The following PEX13 variants were observed in gnomAD, a reference collection of about 807,000 sequenced individuals.
PEX13 encodes peroxisome biogenesis factor 13.
Under a neutral mutation model 34.5 loss-of-function variants are expected in PEX13, and 28 were observed. The ratio of observed to expected loss-of-function variants is 0.81; its 90% CI spans 0.60 to 1.11. The LOEUF (loss-of-function observed/expected upper bound fraction) is 1.11. PEX13 is among the 50% of genes most tolerant of loss of function. The probability of loss-of-function intolerance (pLI) is 0.00; values close to 1 mark genes in which losing one functional copy is unlikely to be tolerated. For missense variants in PEX13, 550 were observed against 491.0 expected (o/e 1.12, Z -1.13); for synonymous variants, 177 against 175.1 (o/e 1.01, Z -0.09).
chr2:61,033,747 A>C (rs1206704648), intron 2 of PEX13, among the ~76,000 whole-genome samples: 1 of 152,102 alleles, frequency 6.6e-6, no homozygotes, highest in Non-Finnish European at 1.5e-5. Context: ...TCTTTGAAGG[A>C]AGAGTGTTTT....
rs777890321 is a variant in PEX13 at position 61,045,786 on chromosome 2, T to C, written c.848T>C (p.Phe283Ser). The change falls in exon 3 of 4, where the codon TTT becomes TCT. Residue 283 changes from phenylalanine to serine, a missense_variant. Physicochemically the swap from Phe to Ser is radical, Grantham distance 155 (BLOSUM62 -2). Coordinates refer to ENST00000295030, the MANE Select transcript of PEX13 (RefSeq NM_002618.4). ...DHVVARAEYDFAAVSEEEISF... is the reference protein window; with the variant it reads ...DHVVARAEYDSAAVSEEEISF... ...GTAGTTGCCAGAGCAGAATATGATT[T>C]TGCTGCCGTATCTGAAGAAGAAATT... 1.7e-5 allele frequency: 28 copies of C among 1,611,016 alleles called. No homozygotes were observed. Among genetic ancestry groups the C allele is most frequent in the Non-Finnish European group, 2.4e-5 (28 of 1,177,292 alleles).
chr2:61,047,242 G>A (rs1461367095), intron 3 of PEX13, among the ~76,000 whole-genome samples: 3 of 151,752 alleles, frequency 2.0e-5, no homozygotes, highest in Admixed American at 6.6e-5. Context: ...TGCAACCTCC[G>A]CCTCCCGGGT....
rs545968718 is a variant in PEX13, at chr2:61,019,618, A to G, written c.92+1767A>G. On this transcript the variant is annotated intron_variant, in intron 1 of 3. Transcript: ENST00000295030. ...AATTTTTTTTTCCATATAGGTAACT[A>G]ATTGTCGCAGCACCATTTATTGAGT... Among the ~76,000 whole-genome samples the G allele has an allele frequency of 1.9e-4, 29 of 152,240 alleles. No homozygotes were observed. The East Asian group carries it at 3.9e-3, about 20-fold the overall frequency.
At chr2:61,018,737 C>G (rs918171089) in intron 1 of PEX13, 1 of 152,930 alleles carries the variant, frequency 6.5e-6, no homozygotes, top group Admixed American at 6.5e-5. Context: ...AACACAGTAA[C>G]GACTTAGTTT....
At chr2:61,047,181 A>G (rs1222635781) in intron 3 of PEX13, among the ~76,000 whole-genome samples, 1 of 151,590 alleles carries the variant, frequency 6.6e-6, no homozygotes, top group African/African-American at 2.4e-5. Context: ...TTTGAGACAG[A>G]GTCTAGCTCT....
intron 1 of PEX13, among the ~76,000 whole-genome samples, chr2:61,027,107 G>A (rs1219955865): frequency 6.6e-6 from 1 of 151,060 alleles, no homozygotes; most frequent in Non-Finnish European, 1.5e-5. Context: ...AGGATTGCTT[G>A]AGCCCAGGAG....
chr2:61,026,293 G>C lies in PEX13; in HGVS notation c.93-5126G>C, dbSNP rs556670584. On this transcript the variant is annotated intron_variant, in intron 1 of 3. Transcript: ENST00000295030. ...GTGTACAGCAGCTAATTTTCTTCTT[G>C]ACCGGTAGTTGAAAAACGGTTCCAG... is the stretch of plus-strand genomic sequence containing the variant. Among the ~76,000 whole-genome samples, 32 of 150,594 alleles carry C rather than the reference G, an allele frequency of 2.1e-4. No individual in the cohort carries two copies. In the South Asian group the frequency reaches 6.5e-3, roughly 31 times the overall value.
chr2:61,032,854 C>T (rs1313003920), intron 2 of PEX13, among the ~76,000 whole-genome samples: 2 of 152,092 alleles, frequency 1.3e-5, no homozygotes, highest in African/African-American at 4.8e-5. Context: ...AGCTGATAGA[C>T]CAGCTTGAAC....
chr2:61,022,382 C>T (rs149573830), intron 1 of PEX13, among the ~76,000 whole-genome samples: 3,160 of 152,198 alleles, frequency 0.021, 106 homozygotes, highest in African/African-American at 0.071. Context: ...TCGTGATGCA[C>T]GCACAAGCTT....
intron 1 of PEX13, among the ~76,000 whole-genome samples, chr2:61,022,227 TCTC>T (rs1559028197): frequency 6.6e-6 from 1 of 151,926 alleles, no homozygotes; most frequent in Non-Finnish European, 1.5e-5. Flanking sequence ...ATAACAAACT[TCTC>T]CGAGCTAAAG....
rs147340796 is a variant in PEX13, at chr2:61,034,631, G to A, written c.787+2518G>A. ...ATACAGCGCTTTTCCTATGGTCCTC[G>A]CAACTGGCAGACCAGGAGATTCCCT... On this transcript the variant is annotated intron_variant, in intron 2 of 3. Coordinates refer to ENST00000295030, the MANE Select transcript of PEX13 (RefSeq NM_002618.4). 6.6e-5 allele frequency among the ~76,000 whole-genome samples: 10 copies of A among 152,310 alleles called. No homozygotes were observed. In the South Asian group the frequency reaches 1.5e-3, roughly 22 times the overall value.
chr2:61,038,087 AG>A (rs1680565186), intron 2 of PEX13, among the ~76,000 whole-genome samples: 2 of 152,354 alleles, frequency 1.3e-5, no homozygotes, highest in South Asian at 4.1e-4. Context: ...GACCAATAAC[AG>A]GTTCTGAAAT....
At chr2:61,033,539 T>C (rs193107487) in intron 2 of PEX13, among the ~76,000 whole-genome samples, 193 of 152,318 alleles carry the variant, frequency 1.3e-3, no homozygotes, top group Non-Finnish European at 6.3e-4. Context: ...TCTCTGCCTT[T>C]GTGGCAGTCT....
chr2:61,043,259 G>C (rs1400279893), intron 2 of PEX13, among the ~76,000 whole-genome samples: 1 of 151,156 alleles, frequency 6.6e-6, no homozygotes, highest in Non-Finnish European at 1.5e-5. Context: ...CACTTTGGTA[G>C]GCCGAGGCGG....
chr2:61,027,221 C>T (rs377310947), intron 1 of PEX13, among the ~76,000 whole-genome samples: 29 of 151,080 alleles, frequency 1.9e-4, no homozygotes, highest in African/African-American at 6.6e-4. Context: ...GCCTGTAGTC[C>T]CAGCTACTTG....
intron 1 of PEX13, among the ~76,000 whole-genome samples, chr2:61,026,609 G>C (rs1291768658): frequency 6.6e-6 from 1 of 150,976 alleles, no homozygotes; most frequent in African/African-American, 2.4e-5. Flanking sequence ...GCCTCCCAAA[G>C]TGCTGGGATT....
At chr2:61,048,438 T>C (rs1403585251) in intron 3 of PEX13, 34 bp from the exon 4 acceptor site, 1 of 1,580,596 alleles carries the variant, frequency 6.3e-7, no homozygotes, top group South Asian at 1.1e-5. Flanking sequence ...CCAAAGTATA[T>C]TGTAATTACA....
At chr2:61,021,194 G>A (rs1349360111) in intron 1 of PEX13, among the ~76,000 whole-genome samples, 1 of 152,182 alleles carries the variant, frequency 6.6e-6, no homozygotes, top group Non-Finnish European at 1.5e-5. Context: ...CCCATGGAGG[G>A]TGAGCCAAAT....
Position 61,022,238 on chromosome 2 carries a change from A to G in PEX13, c.92+4387A>G, listed in dbSNP as rs567342218. On this transcript the variant is annotated intron_variant, in intron 1 of 3. Transcript: ENST00000295030. ...GGCAATAACAAACTTCTCCGAGCTA[A>G]AGGAGCATGTTCTAACCCGTCGCAA... Among the ~76,000 whole-genome samples, 36 of 152,346 alleles carry G rather than the reference A, an allele frequency of 2.4e-4. No homozygotes were observed. In the South Asian group the frequency reaches 7.5e-3, roughly 32 times the overall value.
Sources: allele counts gnomAD v4.1 joint callset (sites outside exome capture counted in the v4.1 genomes callset), GRCh38; gene constraint gnomAD v4.1.1; transcripts MANE v1.5; gene names NCBI Gene and HGNC (gene_info 2026-07-23, HGNC 2026-07-21).